Variants in WDFY4 observed in about 807,000 individuals in gnomAD.
WDFY4 encodes the protein WD repeat- and FYVE domain-containing protein 4.
Under a neutral mutation model 351.9 loss-of-function variants are expected in WDFY4, and 169 were observed. The ratio of observed to expected loss-of-function variants is 0.48; its 90% CI spans 0.42 to 0.55. WDFY4 has a LOEUF of 0.55. Among genes scored for constraint, WDFY4 ranks in the 20% least tolerant of loss-of-function variants. WDFY4 has a pLI of 0.00. For synonymous variants in WDFY4, 1,622 were observed against 1,574.6 expected (o/e 1.03, Z -0.71); for missense variants, 3,803 against 3,935.6 (o/e 0.97, Z 0.90).
At chr10:48,898,679 C>T (rs946795366) in intron 45 of WDFY4, among the ~76,000 whole-genome samples, 3 of 152,210 alleles carry the variant, frequency 2.0e-5, no homozygotes, top group African/African-American at 7.2e-5. Context: ...CCAGCAGCTC[C>T]ACTCTAGCCC....
At chr10:48,719,051 G>A (rs1282431828) in intron 2 of WDFY4, among the ~76,000 whole-genome samples, 1 of 152,110 alleles carries the variant, frequency 6.6e-6, no homozygotes, top group African/African-American at 2.4e-5. Flanking sequence ...TTTAAGCCTG[G>A]AACTAAAGCC....
At chr10:48,800,703 TTTCTTTCTTTCTTTCTTTCA>T (rs1362849404) in intron 24 of WDFY4, among the ~76,000 whole-genome samples, 21 of 139,800 alleles carry the variant, frequency 1.5e-4, no homozygotes, top group African/African-American at 3.9e-4. Flanking sequence ...TCTTTCTTTC[TTTCTTTCTTTCTTTCTTTCA>T]TTCTTTCTTT....
chr10:48,732,010 G>A (rs533434817), intron 9 of WDFY4, among the ~76,000 whole-genome samples: 4 of 152,112 alleles, frequency 2.6e-5, no homozygotes, highest in Admixed American at 6.5e-5. Flanking sequence ...GGGGTCTTGC[G>A]GGCCCAGCAC....
chr10:48,873,375 T>C (rs1050520894), intron 40 of WDFY4, 116 bp from the exon 41 acceptor site: 2 of 1,149,508 alleles, frequency 1.7e-6, no homozygotes, highest in Non-Finnish European at 2.4e-6. Context: ...AGAGAGAAGG[T>C]ATCTTTCTCA....
At chr10:48,910,216 C>G in intron 47 of WDFY4, 1 of 1,330,976 alleles carries the variant, frequency 7.5e-7, no homozygotes. Flanking sequence ...GAGTAGTCTT[C>G]AAGATTTTGC....
intron 39 of WDFY4, among the ~76,000 whole-genome samples, chr10:48,851,784 G>T (rs1202256210): frequency 6.6e-6 from 1 of 152,242 alleles, no homozygotes; most frequent in Non-Finnish European, 1.5e-5. Context: ...CCCAGGCAAA[G>T]GTGGGTACCA....
chr10:48,896,216 G>A lies in WDFY4; in HGVS notation c.7317-1238G>A, dbSNP rs573613573. ...GGGAGACAGACCAGTCAGACATGCC[G>A]CCAAGGGGCAAAGGATATTTGCTGT... On this transcript the variant is annotated intron_variant, in intron 44 of 61. Transcript: ENST00000325239. Among the ~76,000 whole-genome samples, 186 of 152,316 alleles carry A rather than the reference G, an allele frequency of 1.2e-3. 1 individual carries two copies. The highest frequency in any genetic ancestry group is 6.8e-3 in the Middle Eastern group (2 of 294).
intron 24 of WDFY4, among the ~76,000 whole-genome samples, chr10:48,801,032 C>T (rs894875443): frequency 1.3e-5 from 2 of 152,136 alleles, no homozygotes; most frequent in Non-Finnish European, 2.9e-5. Flanking sequence ...CATACCCAGC[C>T]TCTGGTTTCT....
At chr10:48,888,541 T>C (rs1184334294) in intron 43 of WDFY4, among the ~76,000 whole-genome samples, 2 of 152,010 alleles carry the variant, frequency 1.3e-5, no homozygotes, top group African/African-American at 4.8e-5. Flanking sequence ...GTCAGTGTCA[T>C]CTTTTGGAAA....
At chr10:48,817,495 C>A (rs192860637) in intron 32 of WDFY4, 86 bp downstream of exon 32, 216 of 1,402,130 alleles carry the variant, frequency 1.5e-4, no homozygotes, top group Middle Eastern at 1.3e-3. Context: ...CCTCCCCTCC[C>A]CCCTAAAATT....
intron 39 of WDFY4, among the ~76,000 whole-genome samples, chr10:48,837,655 G>C (rs1042607419): frequency 1.3e-5 from 2 of 152,192 alleles, no homozygotes; most frequent in African/African-American, 4.8e-5. Context: ...CTGGGGGTGG[G>C]AAGTCTGGCA....
intron 4 of WDFY4, among the ~76,000 whole-genome samples, chr10:48,722,542 TC>T (rs1197998201): frequency 2.6e-5 from 4 of 152,174 alleles, no homozygotes; most frequent in African/African-American, 9.7e-5. Context: ...GACTGTACAT[TC>T]GTCCTTCTCT....
At chr10:48,744,084 A>G (rs2064939263) in intron 12 of WDFY4, among the ~76,000 whole-genome samples, 2 of 152,198 alleles carry the variant, frequency 1.3e-5, no homozygotes, top group African/African-American at 4.8e-5. Flanking sequence ...AAACACCTCA[A>G]TGAGTTCAGA....
At chr10:48,943,250 C>G (rs567349805) in intron 48 of WDFY4, 80 bp from the exon 49 acceptor site, 7 of 1,498,012 alleles carry the variant, frequency 4.7e-6, no homozygotes, top group Non-Finnish European at 6.3e-6. Flanking sequence ...GGCCTGCTGC[C>G]GAGGCCTGAG....
At chr10:48,884,768 C>T (rs903359796) in intron 43 of WDFY4, among the ~76,000 whole-genome samples, 1 of 152,166 alleles carries the variant, frequency 6.6e-6, no homozygotes, top group Non-Finnish European at 1.5e-5. Flanking sequence ...TTGGAGTCAC[C>T]TCCTCAGGAA....
At chr10:48,910,405 G>T in intron 47 of WDFY4, 1 of 726,414 alleles carries the variant, frequency 1.4e-6, no homozygotes. Flanking sequence ...TGTTGTATTT[G>T]AGGAAAGAGA....
chr10:48,779,813 T>G, intron 18 of WDFY4, 128 bp from the exon 19 acceptor site: 40 of 924,776 alleles, frequency 4.3e-5, no homozygotes, highest in Non-Finnish European at 6.4e-5. Flanking sequence ...TCATTTTTCA[T>G]GAGAGGAGGA....
In WDFY4 at chr10:48,777,542, A is replaced by T. The variant is rs1019330069; in HGVS notation, c.3175+47A>T. The stretch of plus-strand genomic sequence containing the variant: ...TTTAGCTCTCCATCCCTTCCAAAGT[A>T]TGAGTCTTCAGATAGCCTTGATTGC... On this transcript the variant is annotated intron_variant, in intron 17 of 61. Coordinates refer to ENST00000325239, the MANE Select transcript of WDFY4 (RefSeq NM_001394531.1). 2.7e-6 allele frequency: 4 copies of T among 1,502,678 alleles called. No homozygotes were observed. In the African/African-American group the frequency reaches 5.6e-5, roughly 21 times the overall value. 93.1% of individuals were successfully genotyped at this position (1,502,678 alleles called of 1,614,324 possible). A position where few individuals can be genotyped will look rare whatever the true frequency, so the allele number is the denominator to read the frequency against.
At chr10:48,970,380 G>T in intron 57 of WDFY4, 91 bp downstream of exon 57, 1 of 1,480,060 alleles carries the variant, frequency 6.8e-7, no homozygotes, top group Middle Eastern at 1.9e-4. Flanking sequence ...ACCTGGGCAG[G>T]TGTGGTGCCG....
Sources: allele counts gnomAD v4.1 joint callset (sites outside exome capture counted in the v4.1 genomes callset), GRCh38; gene constraint gnomAD v4.1.1; transcripts MANE v1.5; gene names NCBI Gene and HGNC (gene_info 2026-07-23, HGNC 2026-07-21).